CDH8: variants seen among roughly 807,000 people sequenced by gnomAD.
CDH8 encodes cadherin 8.
CDH8 carries 17 observed loss-of-function variants against 68.1 expected under a neutral mutation model. The observed-to-expected ratio is 0.25, with a 90% CI of 0.17 to 0.37. CDH8 has a LOEUF of 0.37. Ranked by LOEUF, CDH8 falls within the 10% of genes least tolerant of loss-of-function variation. CDH8 has a pLI of 1.00. For synonymous variants in CDH8, 372 were observed against 365.1 expected, an observed-to-expected ratio of 1.02 and a Z score of -0.21; for missense variants, 763 against 999.3, an observed-to-expected ratio of 0.76 and a Z score of 3.19.
chr16:61,804,206 TC>T (rs2084447834), intron 7 of CDH8, among the ~76,000 whole-genome samples: 1 of 150,760 alleles, frequency 6.6e-6, no homozygotes, highest in Non-Finnish European at 1.5e-5. Context: ...AACAACCTGC[TC>T]CTGAATGACT....
intron 1 of CDH8, among the ~76,000 whole-genome samples, chr16:62,021,844 G>C (rs1166052237): frequency 6.6e-6 from 1 of 152,072 alleles, no homozygotes; most frequent in Non-Finnish European, 1.5e-5. Context: ...TTGCGTAATA[G>C]AAGTTCTCTT....
At chr16:61,809,590 A>G (rs1216513208) in intron 7 of CDH8, among the ~76,000 whole-genome samples, 1 of 152,230 alleles carries the variant, frequency 6.6e-6, no homozygotes, top group East Asian at 1.9e-4. Context: ...CCCAGAACTT[A>G]AAGCAAAATT....
chr16:61,667,799 A>T (rs1220151494), intron 10 of CDH8: 1 of 152,112 alleles, frequency 6.6e-6, no homozygotes, highest in Non-Finnish European at 1.5e-5. Flanking sequence ...ACAGCAAGGC[A>T]TTCTTATTCC....
chr16:61,928,569 T>C (rs983693562), intron 2 of CDH8, among the ~76,000 whole-genome samples: 1 of 152,152 alleles, frequency 6.6e-6, no homozygotes, highest in Non-Finnish European at 1.5e-5. Context: ...CCACTGAGTG[T>C]TGTAACCTCT....
At chr16:61,969,148 C>T (rs753825799) in intron 2 of CDH8, among the ~76,000 whole-genome samples, 20 of 152,290 alleles carry the variant, frequency 1.3e-4, no homozygotes, top group Non-Finnish European at 2.5e-4. Context: ...CTATCTCTTT[C>T]CCCTTATATG....
At chr16:62,009,998 C>T (rs1260953831) in intron 2 of CDH8, among the ~76,000 whole-genome samples, 1 of 152,068 alleles carries the variant, frequency 6.6e-6, no homozygotes, top group Non-Finnish European at 1.5e-5. Context: ...AGAATAACCC[C>T]CAAATTGTGG....
chr16:61,753,239 C>CT (rs59736911), intron 8 of CDH8, among the ~76,000 whole-genome samples: 77,233 of 143,930 alleles, frequency 0.54, 22,573 homozygotes, highest in African/African-American at 0.81. Context: ...ATATTTCTTT[C>CT]TTTTTTTTTT....
chr16:61,989,779 A>C (rs1965686105), intron 2 of CDH8, among the ~76,000 whole-genome samples: 1 of 152,174 alleles, frequency 6.6e-6, no homozygotes, highest in Non-Finnish European at 1.5e-5. Flanking sequence ...AGCACTCTAC[A>C]AACATTAATA....
In CDH8 at chr16:61,801,845, C is replaced by G. The variant is rs1178165585; in HGVS notation, c.1278-12363G>C. Among the ~76,000 whole-genome samples the G allele has an allele frequency of 4.6e-5, 7 of 152,130 alleles. No homozygotes were observed. The South Asian group carries it at 1.5e-3, about 32-fold the overall frequency. ...CACGGAGTCTCGCTGATTTCTAGCA[C>G]AGCAGTCTGAGATCAAACTGCAAGG... On this transcript the variant is annotated intron_variant, in intron 7 of 11. Transcript: ENST00000577390.
rs1245238705 is a variant in CDH8, at chr16:61,847,536, TTTTATATATATA to T, written c.667+9571_667+9582del. Among the ~76,000 whole-genome samples, 5 of 68,914 alleles carry T rather than the reference TTTTATATATATA, an allele frequency of 7.3e-5. No homozygotes were observed. The East Asian group carries it at 1.1e-3, about 16-fold the overall frequency. 45.2% of individuals were successfully genotyped at this position (68,914 alleles called of 152,430 possible). On this transcript the variant is annotated intron_variant, in intron 4 of 11. Transcript: ENST00000577390. ...ACCCCCTTCTGTAAGCTTCCAATCA[TTTTATATATATA>T]TATATATATATATATATATATGTAA...
intron 5 of CDH8, 126 bp from the exon 6 acceptor site, chr16:61,821,239 A>T (rs548518143): frequency 1.7e-6 from 1 of 582,158 alleles, no homozygotes; most frequent in East Asian, 2.8e-5. Context: ...ATAAAGTGAT[A>T]GAAAAGACAG....
chr16:61,647,725 T>C lies in CDH8; in HGVS notation c.*5883A>G. The C allele has an allele frequency of 1.5e-6, 1 of 685,142 alleles. No homozygotes were observed. The allele number at this position is 685,142 out of a possible 1,614,324, so 42.4% of individuals were successfully genotyped here. A position where few individuals can be genotyped will look rare whatever the true frequency, so the allele number is the denominator to read the frequency against. ...GAATCATAGGATGGCCTGAAGTTCTTTGCATGTACAGAAGAAATCCCAAGA... is the reference window on the plus strand; with the variant it reads ...GAATCATAGGATGGCCTGAAGTTCTCTGCATGTACAGAAGAAATCCCAAGA... On this transcript the variant is annotated 3_prime_UTR_variant, in exon 12 of 12. Coordinates refer to ENST00000577390, the MANE Select transcript of CDH8 (RefSeq NM_001796.5).
At chr16:61,758,971 C>T (rs1960392485) in intron 8 of CDH8, among the ~76,000 whole-genome samples, 1 of 151,980 alleles carries the variant, frequency 6.6e-6, no homozygotes, top group African/African-American at 2.4e-5. Flanking sequence ...TAGGATATAA[C>T]GAACTCCCAC....
At chr16:62,023,507 C>G (rs1902123537) in intron 1 of CDH8, among the ~76,000 whole-genome samples, 1 of 152,120 alleles carries the variant, frequency 6.6e-6, no homozygotes, top group Non-Finnish European at 1.5e-5. Context: ...GTAAACCAGC[C>G]AGATCATGGG....
In CDH8 at chr16:62,032,502, C is replaced by T. The variant is rs6498821; in HGVS notation, c.-200+3578G>A. On this transcript the variant is annotated intron_variant, in intron 1 of 11. Transcript: ENST00000577390. ...CCATTTCCTCTGTGAATGCCAATAG[C>T]GCTGAAAACAAAAAGAAAATTGTTT... is the stretch of plus-strand genomic sequence containing the variant. 8.7e-3 allele frequency among the ~76,000 whole-genome samples: 1,323 copies of T among 152,206 alleles called. 18 individuals carry two copies. Among genetic ancestry groups the T allele is most frequent in the African/African-American group, 0.03 (1,228 of 41,516 alleles).
At chr16:61,994,246 T>G (rs937338837) in intron 2 of CDH8, among the ~76,000 whole-genome samples, 10 of 152,202 alleles carry the variant, frequency 6.6e-5, no homozygotes, top group African/African-American at 2.4e-4. Flanking sequence ...AAATCCCATA[T>G]TGTATTCAGA....
chr16:61,895,396 G>C lies in CDH8; in HGVS notation c.547+5783C>G, dbSNP rs576141411. On this transcript the variant is annotated intron_variant, in intron 3 of 11. Transcript: ENST00000577390. ...TATGTAGCATTTTCCCTAATTTTCT[G>C]ATTAAAAATAAAGAATAGAAAAACT... 2.0e-4 allele frequency among the ~76,000 whole-genome samples: 31 copies of C among 152,118 alleles called. 1 individual carries two copies. Among genetic ancestry groups the C allele is most frequent in the African/African-American group, 7.5e-4 (31 of 41,518 alleles).
At chr16:61,677,913 C>T (rs1163771111) in intron 10 of CDH8, among the ~76,000 whole-genome samples, 1 of 151,920 alleles carries the variant, frequency 6.6e-6, no homozygotes, top group East Asian at 1.9e-4. Flanking sequence ...AGTCGACCAG[C>T]ATTTAACGTC....
rs1231691261 is a variant in CDH8 at position 61,789,377 on chromosome 16, C to T, written c.1383G>A (p.Trp461Ter). The part of the protein sequence containing the change: ...ATPLDRELSV[W>*]HNITIIATEI... ...CAGTAGCAATGATTGTTATGTTGTG[C>T]CATACACTTAATTCTCTGTCAAGTG... is the stretch of plus-strand genomic sequence containing the variant. Residue 461 changes from tryptophan (W) to a stop codon, truncating the protein, a stop_gained, in exon 8 of 12, where the codon TGG becomes TGA. Transcript: ENST00000577390. LOFTEE classifies it high-confidence loss of function. 2 of 1,612,552 alleles carry T rather than the reference C, an allele frequency of 1.2e-6. No homozygotes were observed.
Sources: gnomAD v4.1 joint callset for allele counts (sites outside exome capture counted in the v4.1 genomes callset) on GRCh38, gnomAD v4.1.1 for gene constraint, MANE v1.5 for transcripts, NCBI Gene and HGNC (gene_info 2026-07-23, HGNC 2026-07-21) for gene names.